DOCK5: variants seen among roughly 807,000 people sequenced by gnomAD.
DOCK5 encodes dedicator of cytokinesis protein 5.
A neutral mutation model predicts 251.8 loss-of-function variants in DOCK5; 142 were observed. That is an observed-to-expected ratio of 0.56 (90% confidence interval 0.49 to 0.65). DOCK5 has a LOEUF of 0.65. Ranked by LOEUF, DOCK5 falls within the 30% of genes least tolerant of loss-of-function variation. The probability of loss-of-function intolerance (pLI) is 0.00; values close to 1 mark genes in which losing one functional copy is unlikely to be tolerated. For synonymous variants in DOCK5, 842 were observed against 835.5 expected, an observed-to-expected ratio of 1.01 and a Z score of -0.13; for missense variants, 2,111 against 2,312.3, an observed-to-expected ratio of 0.91 and a Z score of 1.79.
intron 34 of DOCK5, among the ~76,000 whole-genome samples, chr8:25,370,022 A>G (rs74569174): frequency 0.018 from 2,785 of 152,314 alleles, 91 homozygotes; most frequent in African/African-American, 0.063. Flanking sequence ...TGTGTATGTA[A>G]AAAATACCTT....
chr8:25,369,581 T>C lies in DOCK5; in HGVS notation c.3464T>C (p.Leu1155Pro). 1.2e-6 allele frequency: 2 copies of C among 1,611,686 alleles called. No homozygotes were observed. Among genetic ancestry groups the C allele is most frequent in the Non-Finnish European group, 1.7e-6 (2 of 1,178,990 alleles). ...TTTGAGAATGAGCTGATCACAAAGC[T>C]GGACCAGGAGGTAGAAGGGGGCAGA... ...HMFENELITK[L>P]DQEVEGGRGD... Residue 1155 changes from leucine to proline, a missense_variant, in exon 34 of 52, where the codon CTG becomes CCG. Leu to Pro is a moderately conservative substitution (Grantham distance 98). Coordinates refer to ENST00000276440, the MANE Select transcript of DOCK5 (RefSeq NM_024940.8).
At chr8:25,275,572 C>T (rs757055442) in intron 4 of DOCK5, 131 bp downstream of exon 4, 8 of 870,812 alleles carry the variant, frequency 9.2e-6, no homozygotes, top group African/African-American at 7.2e-5. Context: ...TGGTGGCTCA[C>T]GCCTGTAATC....
chr8:25,350,455 CTG>C (rs1800446387), intron 26 of DOCK5, among the ~76,000 whole-genome samples: 1 of 152,174 alleles, frequency 6.6e-6, no homozygotes, highest in African/African-American at 2.4e-5. Flanking sequence ...AATAAGAAAA[CTG>C]TTACTGTCCC....
intron 1 of DOCK5, among the ~76,000 whole-genome samples, chr8:25,223,427 A>G (rs1178339165): frequency 1.3e-5 from 2 of 152,130 alleles, no homozygotes; most frequent in South Asian, 2.1e-4. Context: ...TGATCCTTCT[A>G]CCTCAGCCTC....
chr8:25,247,007 C>T (rs964343785), intron 2 of DOCK5, among the ~76,000 whole-genome samples: 8 of 151,954 alleles, frequency 5.3e-5, no homozygotes, highest in African/African-American at 1.7e-4. Flanking sequence ...TTGCCTCAGC[C>T]TCCCAAGTAG....
intron 2 of DOCK5, among the ~76,000 whole-genome samples, chr8:25,252,610 C>T (rs922217347): frequency 1.3e-5 from 2 of 152,184 alleles, no homozygotes; most frequent in Non-Finnish European, 2.9e-5. Flanking sequence ...TTGACCTTTA[C>T]CTTAAGTACA....
At position 25,230,956 on chromosome 8, in the gene DOCK5, A is replaced by G. The variant is rs143109673; in HGVS notation, c.44-12718A>G. Among the ~76,000 whole-genome samples the G allele has an allele frequency of 4.7e-3, 716 of 152,246 alleles. 2 individuals are homozygous for G. Among genetic ancestry groups the G allele is most frequent in the Non-Finnish European group, 8.0e-3 (543 of 68,010 alleles). ...CCCTGTCAAATGAATTGCAAACAAC[A>G]TGATTCTCAGTATATTAATCCTATA... On this transcript the variant is annotated intron_variant, in intron 1 of 51. Transcript: ENST00000276440.
rs137877997 is a variant in DOCK5 at position 25,243,689 on chromosome 8, A to T, written c.59A>T (p.Asn20Ile). The change falls in exon 2 of 52, where the codon AAT (asparagine) becomes ATT (isoleucine). Residue 20 changes from asparagine to isoleucine, a missense_variant. Coordinates refer to ENST00000276440, the MANE Select transcript of DOCK5 (RefSeq NM_024940.8). Reference protein sequence around the residue: ...QKYGVAIYNYNASQDVELSLQ... With the variant: ...QKYGVAIYNYIASQDVELSLQ... ...TCATTTCCAGCGATCTATAACTACA[A>T]TGCTTCTCAAGATGTGGAGCTCTCC... 5,068 of 1,613,498 alleles carry T rather than the reference A, an allele frequency of 3.1e-3. 17 individuals carry two copies. Among genetic ancestry groups the T allele is most frequent in the Non-Finnish European group, 4.1e-3 (4,794 of 1,179,622 alleles).
intron 27 of DOCK5, among the ~76,000 whole-genome samples, chr8:25,353,057 A>C (rs1185284267): frequency 6.6e-6 from 1 of 152,162 alleles, no homozygotes; most frequent in Non-Finnish European, 1.5e-5. Flanking sequence ...GCTGATCCTA[A>C]TAAGAATAAA....
At chr8:25,187,126 G>T (rs1294966936) in intron 1 of DOCK5, among the ~76,000 whole-genome samples, 1 of 151,270 alleles carries the variant, frequency 6.6e-6, no homozygotes, top group Non-Finnish European at 1.5e-5. Context: ...GCTTGAGCCT[G>T]GGAGGTTGAG....
chr8:25,412,876 C>T lies in DOCK5; in HGVS notation c.*1578C>T, dbSNP rs1801655279. The T allele has an allele frequency of 6.6e-6, 1 of 152,206 alleles. No homozygotes were observed. The highest frequency in any genetic ancestry group is 6.5e-5 in the Admixed American group (1 of 15,284). 9.4% of individuals were successfully genotyped at this position (152,206 alleles called of 1,614,324 possible). Reference sequence around the variant, plus strand: ...ATCATGAGGGTCAGGGAAGCAAAAGCTCTCAGATGTGTCCAGGGCGTTACT... The same window carrying T: ...ATCATGAGGGTCAGGGAAGCAAAAGTTCTCAGATGTGTCCAGGGCGTTACT... On this transcript the variant is annotated 3_prime_UTR_variant, in exon 52 of 52. Coordinates refer to ENST00000276440, the MANE Select transcript of DOCK5 (RefSeq NM_024940.8).
rs780770091 is a variant in DOCK5 at position 25,374,553 on chromosome 8, C to G, written c.3726-11C>G. 5.0e-6 allele frequency: 8 copies of G among 1,594,686 alleles called. No homozygotes were observed. In the Admixed American group the frequency reaches 7.3e-5, roughly 15 times the overall value. ...GAGTGACAAAATGCTTCCTTCTCCC[C>G]TTCTTGCCAGATATCTGTACAAGCT... On this transcript the variant is annotated splice_polypyrimidine_tract_variant and intron_variant, in intron 36 of 51. Transcript: ENST00000276440.
rs1376441654 is a variant in DOCK5, at chr8:25,340,724, A to G, written c.2328-153A>G. Among the ~76,000 whole-genome samples, 3 of 152,204 alleles carry G rather than the reference A, an allele frequency of 2.0e-5. No individual in the cohort carries two copies. In the East Asian group the frequency reaches 5.8e-4, roughly 29 times the overall value. ...CCGGGTTGAGCGGCTTCTCTAACCC[A>G]TTGCCTGAAACTTCAGATGACTGGG... On this transcript the variant is annotated intron_variant, in intron 22 of 51. Coordinates refer to ENST00000276440, the MANE Select transcript of DOCK5 (RefSeq NM_024940.8).
intron 14 of DOCK5, 90 bp from the exon 15 acceptor site, chr8:25,319,488 T>G: frequency 1.2e-6 from 1 of 803,966 alleles, no homozygotes; most frequent in Non-Finnish European, 2.0e-6. Context: ...TGGACGTGTT[T>G]GGGGGTGAGG....
At chr8:25,274,601 A>T (rs1803995749) in intron 3 of DOCK5, among the ~76,000 whole-genome samples, 1 of 152,128 alleles carries the variant, frequency 6.6e-6, no homozygotes, top group Non-Finnish European at 1.5e-5. Context: ...TACAATACTG[A>T]TGTAGAACTG....
In DOCK5 at chr8:25,300,789, C is replaced by T. The variant is rs1041311526; in HGVS notation, c.846+132C>T. On this transcript the variant is annotated intron_variant, in intron 9 of 51. Transcript: ENST00000276440. ...ATCAATCTGCCTAGCAGGAATAACC[C>T]ACCCATTTATTCAACATGTACTTCA... 7 of 918,910 alleles carry T rather than the reference C, an allele frequency of 7.6e-6. 1 individual carries two copies. In the South Asian group the frequency reaches 1.3e-4, roughly 17 times the overall value. 56.9% of individuals were successfully genotyped at this position (918,910 alleles called of 1,614,324 possible).
chr8:25,371,462 G>A (rs777378030), intron 34 of DOCK5, among the ~76,000 whole-genome samples: 1 of 151,886 alleles, frequency 6.6e-6, no homozygotes, highest in African/African-American at 2.4e-5. Context: ...GCAAGACTCC[G>A]TCTCAAAAAA....
chr8:25,220,559 G>C (rs1802358813), intron 1 of DOCK5, among the ~76,000 whole-genome samples: 1 of 150,542 alleles, frequency 6.6e-6, no homozygotes, highest in Non-Finnish European at 1.5e-5. Context: ...GTTACCCCCA[G>C]CTCTCCACAG....
chr8:25,394,878 A>G (rs978844955), intron 44 of DOCK5, among the ~76,000 whole-genome samples: 19 of 150,404 alleles, frequency 1.3e-4, no homozygotes, highest in Non-Finnish European at 8.9e-5. Flanking sequence ...GCAGTCCCCA[A>G]TCTTTTTGAC....
Sources: gnomAD v4.1 joint callset for allele counts (sites outside exome capture counted in the v4.1 genomes callset) on GRCh38, gnomAD v4.1.1 for gene constraint, MANE v1.5 for transcripts, NCBI Gene and HGNC (gene_info 2026-07-23, HGNC 2026-07-21) for gene names.